The following PCDHA1 variants were observed in gnomAD, a reference collection of about 807,000 sequenced individuals.
PCDHA1 encodes protocadherin alpha 1, also known as protocadherin alpha-1.
PCDHA1 carries 42 observed loss-of-function variants against 61.3 expected under a neutral mutation model. The ratio of observed to expected loss-of-function variants is 0.69; its 90% confidence interval spans 0.54 to 0.89. PCDHA1 has a LOEUF of 0.89. Ranked by LOEUF, PCDHA1 falls within the 40% of genes least tolerant of loss-of-function variation. The pLI is 0.00. For synonymous variants in PCDHA1, 610 were observed against 553.8 expected, an observed-to-expected ratio of 1.10 and a Z score of -1.43; for missense variants, 1,256 against 1,235.3, an observed-to-expected ratio of 1.02 and a Z score of -0.25.
At position 140,927,806 on chromosome 5, in the gene PCDHA1, T is replaced by C. The variant is rs1554205074; in HGVS notation, c.2395-51143T>C. 4 of 1,614,004 alleles carry C rather than the reference T, an allele frequency of 2.5e-6. No individual in the cohort carries two copies. In the African/African-American group the frequency reaches 5.3e-5, roughly 22 times the overall value. On this transcript the variant is annotated intron_variant, in intron 1 of 3. Transcript: ENST00000504120. ...GCTTCACTAGGTCCGCCTGAAACGC[T>C]CTTGGAGGCATACATTGAGGCGAGG...
intron 1 of PCDHA1, chr5:140,835,881 G>C (rs2150247324): frequency 1.2e-6 from 2 of 1,612,004 alleles, no homozygotes; most frequent in South Asian, 2.2e-5. Flanking sequence ...GCTGCGGGTG[G>C]GCGAGCGCGC....
intron 1 of PCDHA1, chr5:140,803,258 G>A (rs782014177): frequency 1.9e-6 from 3 of 1,613,910 alleles, no homozygotes; most frequent in Non-Finnish European, 1.7e-6. Context: ...CTGGCGCCAC[G>A]GGCCCGGAAG....
intron 1 of PCDHA1, 24 bp downstream of exon 1, chr5:140,788,708 G>T: frequency 2.6e-6 from 4 of 1,517,108 alleles, no homozygotes; most frequent in South Asian, 2.6e-5. Flanking sequence ...TCGAGTTTTG[G>T]CTTTAAATAT....
rs144848413 is a variant in PCDHA1 at position 140,843,473 on chromosome 5, T to C, written c.2394+54789T>C. 4.9e-4 allele frequency: 775 copies of C among 1,595,974 alleles called. 42 individuals carry two copies. The African/African-American group carries it at 8.9e-3, about 18-fold the overall frequency. On this transcript the variant is annotated intron_variant, in intron 1 of 3. Coordinates refer to ENST00000504120, the MANE Select transcript of PCDHA1 (RefSeq NM_018900.4). ...CCTGCTGGTGCTCACGCTGCTGCTG[T>C]ACACTGCGCTGCGGTGCTCAGCACT...
chr5:140,856,767 T>A, intron 1 of PCDHA1: 1 of 1,596,922 alleles, frequency 6.3e-7, no homozygotes, highest in Non-Finnish European at 8.6e-7. Context: ...AACGCCCCTA[T>A]CTTTGACAGA....
chr5:140,821,288 C>T (rs1439871895), intron 1 of PCDHA1, among the ~76,000 whole-genome samples: 4 of 152,094 alleles, frequency 2.6e-5, no homozygotes, highest in African/African-American at 4.8e-5. Context: ...AATATATAAA[C>T]TCCTCCCTAT....
chr5:140,863,231 C>G (rs189351986), intron 1 of PCDHA1: 1 of 1,227,526 alleles, frequency 8.1e-7, no homozygotes, highest in Non-Finnish European at 1.2e-6. Flanking sequence ...AAGGTCCCAT[C>G]GCGGGCTTTG....
At chr5:140,881,185 A>G (rs893291095) in intron 1 of PCDHA1, 7 of 166,796 alleles carry the variant, frequency 4.2e-5, no homozygotes, top group African/African-American at 1.7e-4. Flanking sequence ...CTTGCTAAAG[A>G]TATGTTAACA....
At chr5:140,819,722 A>G (rs1375762475) in intron 1 of PCDHA1, among the ~76,000 whole-genome samples, 1 of 152,122 alleles carries the variant, frequency 6.6e-6, no homozygotes, top group Non-Finnish European at 1.5e-5. Flanking sequence ...ATAATTTAAC[A>G]GATATGAAAG....
chr5:140,885,516 T>C (rs1235698672), intron 1 of PCDHA1, among the ~76,000 whole-genome samples: 1 of 152,198 alleles, frequency 6.6e-6, no homozygotes, highest in South Asian at 2.1e-4. Context: ...TGCTGTGCTA[T>C]CATTTCATAT....
rs2150348656 is a variant in PCDHA1, at chr5:140,842,958, G to A, written c.2394+54274G>A. On this transcript the variant is annotated intron_variant, in intron 1 of 3. Transcript: ENST00000504120. ...CGCGACGCGGGCGTGCCGCCTCTGG[G>A]CAGCAACGTGACGCTGCAGGTGTTC... 1.4e-5 allele frequency: 22 copies of A among 1,594,922 alleles called. 1 individual carries two copies. The South Asian group carries it at 2.2e-4, about 16-fold the overall frequency.
chr5:140,962,050 A>AT (rs1207278188), intron 1 of PCDHA1, among the ~76,000 whole-genome samples: 3 of 151,684 alleles, frequency 2.0e-5, no homozygotes, highest in African/African-American at 7.3e-5. Context: ...TGCCTGGCTA[A>AT]TTTTTTTGTA....
chr5:140,790,201 G>T (rs1428212631), intron 1 of PCDHA1, among the ~76,000 whole-genome samples: 5 of 152,154 alleles, frequency 3.3e-5, no homozygotes, highest in Non-Finnish European at 7.4e-5. Flanking sequence ...GAAATATACT[G>T]GGCAGCACGT....
intron 1 of PCDHA1, chr5:140,927,118 G>T (rs2083863389): frequency 6.2e-7 from 1 of 1,613,946 alleles, no homozygotes; most frequent in East Asian, 2.2e-5. Context: ...CGGCAATTTG[G>T]TGGTCAGAGA....
intron 1 of PCDHA1, chr5:140,875,905 T>C (rs1554168057): frequency 2.0e-5 from 32 of 1,614,104 alleles, no homozygotes; most frequent in Non-Finnish European, 1.6e-5. Flanking sequence ...TGTTTCTGAA[T>C]CTGCGCCTCT....
At chr5:140,940,667 T>A (rs1167360120) in intron 1 of PCDHA1, among the ~76,000 whole-genome samples, 5 of 152,224 alleles carry the variant, frequency 3.3e-5, no homozygotes, top group African/African-American at 1.2e-4. Context: ...TAAATCTTCA[T>A]CTGATAATTC....
chr5:140,965,814 T>C (rs1423732818), intron 1 of PCDHA1, among the ~76,000 whole-genome samples: 1 of 152,224 alleles, frequency 6.6e-6, no homozygotes, highest in Non-Finnish European at 1.5e-5. Flanking sequence ...AAACAGAGCA[T>C]TTTAAACATT....
intron 1 of PCDHA1, chr5:140,822,998 T>C (rs2150121149): frequency 6.2e-7 from 1 of 1,614,240 alleles, no homozygotes; most frequent in South Asian, 1.1e-5. Flanking sequence ...TCGTTGGTGC[T>C]GGACAGCGCC....
rs145319744 is a variant in PCDHA1, at chr5:140,788,913, G to A, written c.2394+229G>A. 2,352 of 1,019,794 alleles carry A rather than the reference G, an allele frequency of 2.3e-3. 46 individuals carry two copies. In the African/African-American group the frequency reaches 0.035, roughly 15 times the overall value. The allele number at this position is 1,019,794 out of a possible 1,614,324, so 63.2% of individuals were successfully genotyped here. ...TCGTATTTCTTGATTTAAATGGCAGGTTAAAAAAGCTACAATACAAGGTAC... is the reference window on the plus strand; with the variant it reads ...TCGTATTTCTTGATTTAAATGGCAGATTAAAAAAGCTACAATACAAGGTAC... On this transcript the variant is annotated intron_variant, in intron 1 of 3. Transcript: ENST00000504120.
Sources: gnomAD v4.1 joint callset for allele counts (sites outside exome capture counted in the v4.1 genomes callset) on GRCh38, gnomAD v4.1.1 for gene constraint, MANE v1.5 for transcripts, NCBI Gene and HGNC (gene_info 2026-07-23, HGNC 2026-07-21) for gene names.